Variants in PLEKHA8 observed in about 807,000 individuals in gnomAD.
The protein encoded by PLEKHA8 is pleckstrin homology domain-containing family A member 8.
A neutral mutation model predicts 68.2 loss-of-function variants in PLEKHA8; 36 were observed. The ratio of observed to expected loss-of-function variants is 0.53; its 90% CI spans 0.40 to 0.70. PLEKHA8 has a LOEUF of 0.70. PLEKHA8 is among the 30% of genes least tolerant of loss of function. PLEKHA8 has a pLI of 0.00. For synonymous variants in PLEKHA8, 211 were observed against 216.1 expected (o/e 0.98, Z 0.20); for missense variants, 505 against 615.4 (o/e 0.82, Z 1.90).
chr7:30,129,427 A>T (rs946769785), exon 14 of PLEKHA8: 3 of 1,130,094 alleles, frequency 2.7e-6, no homozygotes, highest in Non-Finnish European at 3.9e-6. Flanking sequence ...CCACCTCCAG[A>T]TCTCATTCAT....
At chr7:30,071,107 G>A (rs542016053) in intron 12 of PLEKHA8, among the ~76,000 whole-genome samples, 37 of 152,216 alleles carry the variant, frequency 2.4e-4, no homozygotes, top group African/African-American at 8.4e-4. Flanking sequence ...AGGATTATAG[G>A]TTTCTTTAGT....
In PLEKHA8 at chr7:30,078,922, C is replaced by T. The variant is rs939968140; in HGVS notation, c.*135C>T. 2.8e-6 allele frequency: 4 copies of T among 1,433,466 alleles called. No homozygotes were observed. The highest frequency in any genetic ancestry group is 2.7e-6 in the Non-Finnish European group (3 of 1,096,342). The allele number at this position is 1,433,466 out of a possible 1,614,324, so 88.8% of individuals were successfully genotyped here. A position where few individuals can be genotyped will look rare whatever the true frequency, so the allele number is the denominator to read the frequency against. The stretch of plus-strand genomic sequence containing the variant: ...GGGATGGACAGGAGGTGGCAAAACC[C>T]AGTGCTTTTATAATTTTTAAAATGC... On this transcript the variant is annotated 3_prime_UTR_variant, in exon 14 of 14. Coordinates refer to ENST00000449726, the MANE Select transcript of PLEKHA8 (RefSeq NM_001197026.2).
Position 30,082,554 on chromosome 7 carries a change from T to C in PLEKHA8, c.*3767T>C. On this transcript the variant is annotated 3_prime_UTR_variant, in exon 14 of 14. Transcript: ENST00000449726. ...CTAGGAAAGATGATTATTAGAGGAGTGCAGCGGAAAAAAATTTGCACTCTT... is the reference window on the plus strand; with the variant it reads ...CTAGGAAAGATGATTATTAGAGGAGCGCAGCGGAAAAAAATTTGCACTCTT... The C allele has an allele frequency of 1.0e-6, 1 of 985,188 alleles. No homozygotes were observed. The highest frequency in any genetic ancestry group is 1.2e-6 in the Non-Finnish European group (1 of 829,870). The allele number at this position is 985,188 out of a possible 1,614,324, so 61.0% of individuals were successfully genotyped here. A position where few individuals can be genotyped will look rare whatever the true frequency, so the allele number is the denominator to read the frequency against.
intron 12 of PLEKHA8, among the ~76,000 whole-genome samples, chr7:30,064,466 C>T (rs554739746): frequency 5.3e-5 from 8 of 152,168 alleles, no homozygotes; most frequent in East Asian, 1.9e-4. Context: ...TTGCTTGAAC[C>T]CAGGAGGTCA....
chr7:30,098,796 C>A (rs1000290226), intron 13 of PLEKHA8, among the ~76,000 whole-genome samples: 1 of 152,236 alleles, frequency 6.6e-6, no homozygotes, highest in African/African-American at 2.4e-5. Context: ...TGCGATGTTG[C>A]GCCCTGCTTT....
Position 30,079,505 on chromosome 7 carries a change from T to C in PLEKHA8, c.*718T>C. 1 of 981,686 alleles carries C rather than the reference T, an allele frequency of 1.0e-6. No individual in the cohort carries two copies. The highest frequency in any genetic ancestry group is 1.7e-5 in the African/African-American group (1 of 57,268). The allele number at this position is 981,686 out of a possible 1,614,324, so 60.8% of individuals were successfully genotyped here. A position where few individuals can be genotyped will look rare whatever the true frequency, so the allele number is the denominator to read the frequency against. The stretch of plus-strand genomic sequence containing the variant: ...GTCATTTGAGATGACACCTCCCAAC[T>C]GCCTACCATTTACCAGCATGTTCCC... On this transcript the variant is annotated 3_prime_UTR_variant, in exon 14 of 14. Coordinates refer to ENST00000449726, the MANE Select transcript of PLEKHA8 (RefSeq NM_001197026.2).
At chr7:30,060,269 C>G (rs986956424) in intron 9 of PLEKHA8, among the ~76,000 whole-genome samples, 2 of 152,116 alleles carry the variant, frequency 1.3e-5, no homozygotes, top group African/African-American at 4.8e-5. Context: ...TGGTGAAGCC[C>G]GTCTCTACTG....
intron 4 of PLEKHA8, among the ~76,000 whole-genome samples, chr7:30,048,957 G>A (rs1792181306): frequency 6.6e-6 from 1 of 152,068 alleles, no homozygotes; most frequent in South Asian, 2.1e-4. Flanking sequence ...CATGACTGAG[G>A]GAGTTACAAC....
chr7:30,061,873 G>A (rs185016487), intron 10 of PLEKHA8, 24 bp from the exon 11 acceptor site: 1 of 1,612,712 alleles, frequency 6.2e-7, no homozygotes, highest in African/African-American at 1.3e-5. Flanking sequence ...TTAAACTTAG[G>A]TTGTTTCCCT....
At chr7:30,116,106 A>G (rs1796531851) in intron 13 of PLEKHA8, 1 of 150,994 alleles carries the variant, frequency 6.6e-6, no homozygotes. Flanking sequence ...ATACATACGC[A>G]TACATACACG....
chr7:30,116,635 A>C (rs1562559806), intron 13 of PLEKHA8, among the ~76,000 whole-genome samples: 1 of 152,206 alleles, frequency 6.6e-6, no homozygotes, highest in Non-Finnish European at 1.5e-5. Flanking sequence ...GATGCCTTAC[A>C]TTTAAAGCAA....
At chr7:30,124,936 G>T (rs1796749183) in intron 13 of PLEKHA8, among the ~76,000 whole-genome samples, 2 of 149,020 alleles carry the variant, frequency 1.3e-5, no homozygotes, top group African/African-American at 2.5e-5. Flanking sequence ...CTTAAATTTA[G>T]GAAAAAATAA....
In PLEKHA8 at chr7:30,080,576, C is replaced by G; in HGVS notation, c.*1789C>G. ...TAAACAAATGAACATTTATTTAGCT[C>G]AGATTAATTAGGTATTTTGCCCACA... On this transcript the variant is annotated 3_prime_UTR_variant, in exon 14 of 14. Transcript: ENST00000449726. 1 of 985,224 alleles carries G rather than the reference C, an allele frequency of 1.0e-6. No individual in the cohort carries two copies. The highest frequency in any genetic ancestry group is 1.2e-6 in the Non-Finnish European group (1 of 829,882). 61.0% of individuals were successfully genotyped at this position (985,224 alleles called of 1,614,324 possible). A position where few individuals can be genotyped will look rare whatever the true frequency, so the allele number is the denominator to read the frequency against.
Position 30,050,633 on chromosome 7 carries a change from T to C in PLEKHA8, c.638+159T>C. ...CTGACTTTCCTCTTTTGAGTGAGCC[T>C]GAATCAACCCAGAGCAGACCTTTTA... On this transcript the variant is annotated intron_variant, in intron 6 of 13. Coordinates refer to ENST00000449726, the MANE Select transcript of PLEKHA8 (RefSeq NM_001197026.2). 3 of 1,007,292 alleles carry C rather than the reference T, an allele frequency of 3.0e-6. No individual in the cohort carries two copies. In the South Asian group the frequency reaches 5.6e-5, roughly 19 times the overall value. 62.4% of individuals were successfully genotyped at this position (1,007,292 alleles called of 1,614,324 possible). A position where few individuals can be genotyped will look rare whatever the true frequency, so the allele number is the denominator to read the frequency against.
At chr7:30,064,701 G>A (rs1793696562) in intron 12 of PLEKHA8, among the ~76,000 whole-genome samples, 1 of 152,114 alleles carries the variant, frequency 6.6e-6, no homozygotes, top group Non-Finnish European at 1.5e-5. Context: ...CATCAGTAAT[G>A]GAAAGTTTAC....
chr7:30,114,627 G>C (rs1796370337), intron 13 of PLEKHA8, among the ~76,000 whole-genome samples: 1 of 151,938 alleles, frequency 6.6e-6, no homozygotes, highest in Non-Finnish European at 1.5e-5. Flanking sequence ...TATTGTGTCT[G>C]CTGACTTTTA....
intron 1 of PLEKHA8, 49 bp from the exon 2 acceptor site, chr7:30,045,036 G>T: frequency 7.5e-7 from 1 of 1,327,730 alleles, no homozygotes. Flanking sequence ...TTGGGAGGTA[G>T]TTCATACACA....
intron 9 of PLEKHA8, among the ~76,000 whole-genome samples, chr7:30,058,157 T>G (rs946302495): frequency 6.6e-6 from 1 of 152,198 alleles, no homozygotes; most frequent in Non-Finnish European, 1.5e-5. Flanking sequence ...ATTGTTTTTC[T>G]TTTTATTACT....
At chr7:30,056,737 AAAAAAGTGTGTGTGT>A (rs1327698722) in intron 9 of PLEKHA8, among the ~76,000 whole-genome samples, 17 of 101,442 alleles carry the variant, frequency 1.7e-4, no homozygotes, top group African/African-American at 6.0e-4. Context: ...AAAAAAAAAA[AAAAAAGTGTGTGTGT>A]GTGTGTGTGT....
Sources: allele counts gnomAD v4.1 joint callset (sites outside exome capture counted in the v4.1 genomes callset), GRCh38; gene constraint gnomAD v4.1.1; transcripts MANE v1.5; gene names NCBI Gene and HGNC (gene_info 2026-07-23, HGNC 2026-07-21).